TAF3: variants seen among roughly 807,000 people sequenced by gnomAD.
TAF3 encodes transcription initiation factor TFIID subunit 3.
Under a neutral mutation model 80.6 loss-of-function variants are expected in TAF3, and 7 were observed. The observed-to-expected ratio is 0.09, with a 90% CI of 0.05 to 0.16. The LOEUF (loss-of-function observed/expected upper bound fraction) is 0.16, where lower values mean the gene tolerates loss of function less well. Ranked by LOEUF, TAF3 falls within the 10% of genes least tolerant of loss-of-function variation. The pLI is 1.00. For synonymous variants in TAF3, 444 were observed against 446.1 expected (o/e 1.00, Z 0.06); for missense variants, 921 against 1,140.2 (o/e 0.81, Z 2.77).
chr10:7,891,597 T>C (rs1837457502), intron 2 of TAF3, among the ~76,000 whole-genome samples: 1 of 152,226 alleles, frequency 6.6e-6, no homozygotes, highest in Non-Finnish European at 1.5e-5. Flanking sequence ...TTTCCCTGTT[T>C]TCTGTCTTTA....
At chr10:7,927,592 A>T (rs1028221641) in intron 2 of TAF3, among the ~76,000 whole-genome samples, 2 of 152,210 alleles carry the variant, frequency 1.3e-5, no homozygotes, top group African/African-American at 2.4e-5. Flanking sequence ...CTAACAACTA[A>T]TCTACAAAAA....
At chr10:7,864,440 C>T (rs566868215) in intron 2 of TAF3, among the ~76,000 whole-genome samples, 15 of 152,216 alleles carry the variant, frequency 9.9e-5, no homozygotes, top group Non-Finnish European at 2.1e-4. Context: ...GTGGTAAGGG[C>T]ACTTAACATC....
At chr10:7,982,404 C>T (rs1434585601) in intron 4 of TAF3, among the ~76,000 whole-genome samples, 2 of 151,842 alleles carry the variant, frequency 1.3e-5, no homozygotes, top group Non-Finnish European at 1.5e-5. Flanking sequence ...ATTTATTTAT[C>T]TTTTTTTTGA....
At chr10:7,829,029 CAAAAAAAAAAAA>C (rs59969868) in intron 2 of TAF3, among the ~76,000 whole-genome samples, 1 of 66,808 alleles carries the variant, frequency 1.5e-5, no homozygotes, top group Non-Finnish European at 2.5e-5. Context: ...GACTCCGTCT[CAAAAAAAAAAAA>C]AAAAAAAAAA....
intron 2 of TAF3, among the ~76,000 whole-genome samples, chr10:7,905,432 A>T (rs1837598995): frequency 6.6e-6 from 1 of 152,210 alleles, no homozygotes; most frequent in Non-Finnish European, 1.5e-5. Flanking sequence ...ATGAAAATGT[A>T]AGTAATTATT....
In TAF3 at chr10:8,009,774, A is replaced by G. The variant is rs899089678; in HGVS notation, c.2568+444A>G. On this transcript the variant is annotated intron_variant, in intron 5 of 6. Coordinates refer to ENST00000344293, the MANE Select transcript of TAF3 (RefSeq NM_031923.4). The surrounding 1 kb of genome is among the most constrained non-coding windows in gnomAD (Gnocchi z 4.1). ...GTAGCTGGGATTACAGGCACGTGCC[A>G]CCACACCTGGCCAATTTTTTGTATT... Among the ~76,000 whole-genome samples the G allele has an allele frequency of 6.6e-6, 1 of 151,920 alleles. No individual in the cohort carries two copies. Among genetic ancestry groups the G allele is most frequent in the Non-Finnish European group, 1.5e-5 (1 of 67,982 alleles).
intron 2 of TAF3, among the ~76,000 whole-genome samples, chr10:7,904,700 A>G (rs116027816): frequency 0.016 from 2,426 of 152,300 alleles, 74 homozygotes; most frequent in African/African-American, 0.055. Context: ...GGTGGGCTGG[A>G]ACTGTGTAGT....
At chr10:7,844,495 G>T (rs1025427604) in intron 2 of TAF3, among the ~76,000 whole-genome samples, 3 of 151,212 alleles carry the variant, frequency 2.0e-5, no homozygotes, top group Non-Finnish European at 2.9e-5. Context: ...CCCTGCCTCA[G>T]CCTCCTGAGT....
chr10:7,892,270 G>A (rs10752119), intron 2 of TAF3, among the ~76,000 whole-genome samples: 85,773 of 152,110 alleles, frequency 0.56, 25,980 homozygotes, highest in East Asian at 0.72. Flanking sequence ...TCAATAAGCA[G>A]ATTTAGCATG....
rs375412353 is a variant in TAF3, at chr10:7,824,133, G to A, written c.167-185G>A. 5.3e-5 allele frequency among the ~76,000 whole-genome samples: 8 copies of A among 152,140 alleles called. No individual in the cohort carries two copies. The East Asian group carries it at 1.2e-3, about 22-fold the overall frequency. On this transcript the variant is annotated intron_variant, in intron 1 of 6. Coordinates refer to ENST00000344293, the MANE Select transcript of TAF3 (RefSeq NM_031923.4). Reference sequence around the variant, plus strand: ...TAGTTGTCTGATTATATTTAAACTTGACTTTAATAATCAGCTTAAACATGA... The same window carrying A: ...TAGTTGTCTGATTATATTTAAACTTAACTTTAATAATCAGCTTAAACATGA...
chr10:7,902,372 G>A (rs1366160477), intron 2 of TAF3, among the ~76,000 whole-genome samples: 4 of 152,052 alleles, frequency 2.6e-5, no homozygotes, highest in African/African-American at 9.7e-5. Context: ...TCTGTGAGCC[G>A]AGATTGCACC....
At chr10:7,935,494 G>C (rs1182844250) in intron 2 of TAF3, among the ~76,000 whole-genome samples, 1 of 151,928 alleles carries the variant, frequency 6.6e-6, no homozygotes, top group African/African-American at 2.4e-5. Context: ...TGAGGCAGGA[G>C]AATGGCGTGA....
intron 2 of TAF3, among the ~76,000 whole-genome samples, chr10:7,863,626 A>AAATAT (rs1218836662): frequency 0.074 from 3,537 of 48,070 alleles, 875 homozygotes; most frequent in South Asian, 0.2. Flanking sequence ...AAAAAAAAAA[A>AAATAT]ATATATATAT....
intron 4 of TAF3, among the ~76,000 whole-genome samples, chr10:8,000,567 G>T (rs556525710): frequency 2.6e-5 from 4 of 152,154 alleles, no homozygotes; most frequent in Admixed American, 1.3e-4. Flanking sequence ...AGGAGTTCCA[G>T]ACCAGCCTGG....
At chr10:7,860,874 G>T (rs1483780657) in intron 2 of TAF3, among the ~76,000 whole-genome samples, 1 of 149,788 alleles carries the variant, frequency 6.7e-6, no homozygotes, top group African/African-American at 2.5e-5. Context: ...ATCTCGGGTC[G>T]CTGCAACCTC....
intron 4 of TAF3, among the ~76,000 whole-genome samples, chr10:7,990,577 A>G (rs1831824718): frequency 6.6e-6 from 1 of 152,176 alleles, no homozygotes; most frequent in South Asian, 2.1e-4. Flanking sequence ...CTCTACTGTT[A>G]TTATATAGTT....
At chr10:7,831,855 T>G (rs953975670) in intron 2 of TAF3, among the ~76,000 whole-genome samples, 1 of 152,194 alleles carries the variant, frequency 6.6e-6, no homozygotes, top group Non-Finnish European at 1.5e-5. Context: ...AAACCCTGGT[T>G]TCTTGGAAAG....
At chr10:7,828,080 C>T (rs1436658669) in intron 2 of TAF3, among the ~76,000 whole-genome samples, 2 of 152,096 alleles carry the variant, frequency 1.3e-5, no homozygotes, top group African/African-American at 4.8e-5. Context: ...TAAGGGGAAT[C>T]GGTGTCAAGC....
In TAF3 at chr10:7,915,236, C is replaced by T. The variant is rs1008817035; in HGVS notation, c.410-48684C>T. 5.9e-5 allele frequency among the ~76,000 whole-genome samples: 9 copies of T among 151,550 alleles called. No individual in the cohort carries two copies. The East Asian group carries it at 5.9e-4, about 10-fold the overall frequency. ...ATTACGGGCAGGGCATGAGCCACTG[C>T]GCCTGGCCGCTCCCCAGCCTTTTAT... is the stretch of plus-strand genomic sequence containing the variant. On this transcript the variant is annotated intron_variant, in intron 2 of 6. Transcript: ENST00000344293.
Sources: allele counts gnomAD v4.1 joint callset (sites outside exome capture counted in the v4.1 genomes callset), GRCh38; gene constraint gnomAD v4.1.1; non-coding constraint Gnocchi (gnomAD v3.1); transcripts MANE v1.5; gene names NCBI Gene and HGNC (gene_info 2026-07-23, HGNC 2026-07-21).